Variants in TRAPPC9 observed in about 807,000 individuals in gnomAD.
TRAPPC9 encodes IKK2 binding protein.
In TRAPPC9, 83 loss-of-function variants were observed where a neutral mutation model predicts 124.0. The ratio of observed to expected loss-of-function variants is 0.67; its 90% CI spans 0.56 to 0.80. The LOEUF is 0.80. Among genes scored for constraint, TRAPPC9 ranks in the 30% least tolerant of loss-of-function variants. TRAPPC9 has a pLI of 0.00. For missense variants in TRAPPC9, 1,302 were observed against 1,508.3 expected, an observed-to-expected ratio of 0.86 and a Z score of 2.27; for synonymous variants, 638 against 617.5, an observed-to-expected ratio of 1.03 and a Z score of -0.49.
At chr8:140,297,963 G>A (rs904267077) in intron 11 of TRAPPC9, among the ~76,000 whole-genome samples, 4 of 152,164 alleles carry the variant, frequency 2.6e-5, no homozygotes, top group African/African-American at 4.8e-5. Flanking sequence ...AACAGGACAC[G>A]TGGTCTGTGA....
At chr8:140,358,006 C>T (rs1229658859) in intron 9 of TRAPPC9, among the ~76,000 whole-genome samples, 1 of 152,192 alleles carries the variant, frequency 6.6e-6, no homozygotes, top group Non-Finnish European at 1.5e-5. Context: ...AGGATGCCAA[C>T]GGCCACAATA....
intron 17 of TRAPPC9, among the ~76,000 whole-genome samples, chr8:140,170,628 A>C (rs2061949053): frequency 3.3e-5 from 5 of 152,252 alleles, no homozygotes; most frequent in African/African-American, 1.2e-4. Flanking sequence ...GGCATGAAGA[A>C]GGCTCACTGG....
At chr8:140,430,651 T>G (rs1276732241) in intron 4 of TRAPPC9, among the ~76,000 whole-genome samples, 1 of 152,168 alleles carries the variant, frequency 6.6e-6, no homozygotes, top group Non-Finnish European at 1.5e-5. Context: ...TTGTTTTTTG[T>G]TTTTTAAGAC....
intron 6 of TRAPPC9, among the ~76,000 whole-genome samples, chr8:140,399,260 G>A (rs2132395010): frequency 6.6e-6 from 1 of 152,380 alleles, no homozygotes; most frequent in Non-Finnish European, 1.5e-5. Context: ...CCCACACAGA[G>A]TCCCTACTGG....
chr8:139,856,723 A>C (rs1220729542), intron 21 of TRAPPC9, among the ~76,000 whole-genome samples: 1 of 142,262 alleles, frequency 7.0e-6, no homozygotes, highest in Non-Finnish European at 1.5e-5. Flanking sequence ...CATGTCAAAA[A>C]CCAGCACCTG....
intron 21 of TRAPPC9, among the ~76,000 whole-genome samples, chr8:139,852,952 C>T (rs1022740631): frequency 6.6e-6 from 1 of 152,202 alleles, no homozygotes; most frequent in Non-Finnish European, 1.5e-5. Context: ...GGCCTGCCCC[C>T]TGTCTGATCA....
At chr8:140,089,678 T>C (rs987141540) in intron 17 of TRAPPC9, among the ~76,000 whole-genome samples, 2 of 152,132 alleles carry the variant, frequency 1.3e-5, no homozygotes, top group Non-Finnish European at 2.9e-5. Context: ...AACCTCGCCT[T>C]CTTTATCACA....
chr8:140,441,005 G>T (rs1227899674), intron 2 of TRAPPC9, among the ~76,000 whole-genome samples: 2 of 111,548 alleles, frequency 1.8e-5, no homozygotes, highest in African/African-American at 6.3e-5. Flanking sequence ...TGGAGACAAG[G>T]TCTTATTCTG....
At chr8:139,904,812 G>A (rs1209850814) in intron 20 of TRAPPC9, 1 of 152,204 alleles carries the variant, frequency 6.6e-6, no homozygotes, top group African/African-American at 2.4e-5. Context: ...ATTAGTACAT[G>A]GCCCTCAGGT....
intron 17 of TRAPPC9, among the ~76,000 whole-genome samples, chr8:140,120,700 A>C: frequency 7.1e-6 from 1 of 140,476 alleles, no homozygotes; most frequent in Non-Finnish European, 1.5e-5. Context: ...CATCCATCCA[A>C]CATCCATCCA....
At chr8:140,215,712 C>T (rs2063176173) in intron 17 of TRAPPC9, among the ~76,000 whole-genome samples, 1 of 151,740 alleles carries the variant, frequency 6.6e-6, no homozygotes, top group Non-Finnish European at 1.5e-5. Flanking sequence ...ACGCGGCGAA[C>T]TTGGGCAAGT....
chr8:140,188,383 C>T (rs1323237772), intron 17 of TRAPPC9, among the ~76,000 whole-genome samples: 1 of 152,238 alleles, frequency 6.6e-6, no homozygotes, highest in Admixed American at 6.5e-5. Context: ...GACTGCTGCC[C>T]TAATGGGCCC....
rs202042166 is a variant in TRAPPC9 at position 139,732,133 on chromosome 8, C to T, written c.3125G>A (p.Arg1042His). ...VAACQVGDPV[R>H]LEVRLTNRSP... ...CCGGTTGGTCAGCCGCACCTCCAGGCGCACGGGGTCGCCCACCTGGCAGGC... is the reference window on the plus strand; with the variant it reads ...CCGGTTGGTCAGCCGCACCTCCAGGTGCACGGGGTCGCCCACCTGGCAGGC... The change falls in exon 22 of 23, where the codon CGC (arginine) becomes CAC (histidine). Residue 1042 changes from arginine to histidine, a missense_variant. Around this residue, in one of 3 missense-constraint regions of TRAPPC9, gnomAD observed 640 missense variants for 679.3 expected, o/e 0.94. Coordinates refer to ENST00000438773, the MANE Select transcript of TRAPPC9 (RefSeq NM_001160372.4). The T allele has an allele frequency of 1.7e-4, 272 of 1,605,314 alleles. 6 individuals are homozygous for T. In the South Asian group the frequency reaches 1.9e-3, roughly 11 times the overall value.
intron 7 of TRAPPC9, among the ~76,000 whole-genome samples, chr8:140,389,890 T>C (rs2068874478): frequency 6.8e-6 from 1 of 147,512 alleles, no homozygotes; most frequent in Non-Finnish European, 1.5e-5. Flanking sequence ...AAAATGAGAA[T>C]TCTAGTTAAA....
chr8:140,298,793 G>A (rs779490426), intron 11 of TRAPPC9, among the ~76,000 whole-genome samples: 1 of 152,192 alleles, frequency 6.6e-6, no homozygotes, highest in East Asian at 1.9e-4. Flanking sequence ...ACACTTAAAC[G>A]TCGTGAATCA....
chr8:139,753,761 G>A (rs961177782), intron 21 of TRAPPC9, among the ~76,000 whole-genome samples: 2 of 152,216 alleles, frequency 1.3e-5, no homozygotes, highest in African/African-American at 4.8e-5. Context: ...ATCCTCATTT[G>A]TAACATGGAC....
chr8:139,785,030 G>T (rs543098033), intron 21 of TRAPPC9, among the ~76,000 whole-genome samples: 1 of 152,120 alleles, frequency 6.6e-6, no homozygotes, highest in Non-Finnish European at 1.5e-5. Flanking sequence ...AGGAGTTTTC[G>T]CACAACAGCA....
At chr8:140,227,787 C>G (rs2063488707) in intron 16 of TRAPPC9, among the ~76,000 whole-genome samples, 3 of 152,316 alleles carry the variant, frequency 2.0e-5, no homozygotes, top group Admixed American at 6.5e-5. Context: ...CTCTTCACAC[C>G]CTGCAAAGTC....
intron 6 of TRAPPC9, among the ~76,000 whole-genome samples, chr8:140,398,898 G>A (rs2069170575): frequency 2.0e-5 from 3 of 152,250 alleles, no homozygotes. Flanking sequence ...CAGGCCTGGA[G>A]GCCTAGGAGG....
Sources: allele counts gnomAD v4.1 joint callset (sites outside exome capture counted in the v4.1 genomes callset), GRCh38; gene constraint gnomAD v4.1.1; regional missense constraint gnomAD v4.1.1; transcripts MANE v1.5; gene names NCBI Gene and HGNC (gene_info 2026-07-23, HGNC 2026-07-21).